Variants in GRIN2B observed in about 807,000 individuals in gnomAD.
GRIN2B encodes the protein glutamate receptor ionotropic, NMDA 2B.
GRIN2B carries 5 observed loss-of-function variants against 114.5 expected under a neutral mutation model. That is an observed-to-expected ratio of 0.04 (90% CI 0.02 to 0.09). GRIN2B has a LOEUF of 0.09. Ranked by LOEUF, GRIN2B falls within the 10% of genes least tolerant of loss-of-function variation. GRIN2B has a pLI of 1.00. For missense variants in GRIN2B, 1,108 were observed against 1,943.5 expected (o/e 0.57, Z 8.08); for synonymous variants, 787 against 745.1 (o/e 1.06, Z -0.92).
chr12:13,647,917 G>A (rs1434086446), intron 5 of GRIN2B, among the ~76,000 whole-genome samples: 3 of 152,108 alleles, frequency 2.0e-5, no homozygotes, highest in Non-Finnish European at 4.4e-5. Flanking sequence ...TGGATGAAAG[G>A]ACGCTGGCAG....
At chr12:13,918,079 G>C (rs1866762759) in intron 2 of GRIN2B, among the ~76,000 whole-genome samples, 1 of 152,090 alleles carries the variant, frequency 6.6e-6, no homozygotes, top group South Asian at 2.1e-4. Flanking sequence ...CCCTGGACTT[G>C]GCATCAGACA....
At chr12:13,979,053 C>T (rs2136880730) in intron 2 of GRIN2B, among the ~76,000 whole-genome samples, 1 of 152,250 alleles carries the variant, frequency 6.6e-6, no homozygotes, top group East Asian at 1.9e-4. Flanking sequence ...AATTCTGCAC[C>T]CCTTCCACAT....
chr12:13,771,699 G>C (rs1463288727), intron 3 of GRIN2B, among the ~76,000 whole-genome samples: 1 of 152,186 alleles, frequency 6.6e-6, no homozygotes, highest in East Asian at 1.9e-4. Context: ...TAACTTCCCT[G>C]GTTCATTAAG....
At chr12:13,573,604 C>G (rs1303782026) in intron 10 of GRIN2B, among the ~76,000 whole-genome samples, 4 of 125,452 alleles carry the variant, frequency 3.2e-5, no homozygotes, top group Non-Finnish European at 7.2e-5. Context: ...ATCATTGTAG[C>G]TGTGCTGTGC....
At chr12:13,933,562 T>C (rs1283857790) in intron 2 of GRIN2B, among the ~76,000 whole-genome samples, 1 of 152,162 alleles carries the variant, frequency 6.6e-6, no homozygotes, top group Non-Finnish European at 1.5e-5. Flanking sequence ...TGCAACCCAC[T>C]AGCCATTCCC....
intron 3 of GRIN2B, among the ~76,000 whole-genome samples, chr12:13,807,769 G>C (rs1416998890): frequency 7.2e-6 from 1 of 138,048 alleles, no homozygotes; most frequent in South Asian, 2.4e-4. Flanking sequence ...AGTAAAGGTA[G>C]CAAGGGGCTT....
intron 3 of GRIN2B, among the ~76,000 whole-genome samples, chr12:13,757,947 C>G (rs1320716259): frequency 6.6e-6 from 1 of 152,180 alleles, no homozygotes. Flanking sequence ...GGATCCACTT[C>G]ATAAATAAAG....
intron 10 of GRIN2B, among the ~76,000 whole-genome samples, chr12:13,591,140 C>T (rs1447246865): frequency 6.6e-6 from 1 of 152,060 alleles, no homozygotes; most frequent in Non-Finnish European, 1.5e-5. Context: ...CTTTTTTAGC[C>T]CTGACGTTTG....
rs5796570 is a variant in GRIN2B, at chr12:13,970,686, A to AACACACACACACAC, written c.-19+9228_-19+9241dup. Among the ~76,000 whole-genome samples the AACACACACACACAC allele has an allele frequency of 3.4e-3, 496 of 145,128 alleles. 5 individuals are homozygous for AACACACACACACAC. Among genetic ancestry groups the AACACACACACACAC allele is most frequent in the African/African-American group, 0.012 (468 of 38,550 alleles). ...ATTTCTCTTCTACATGCAGGCTCTA[A>AACACACACACACAC]ACACACACACACACACACACACACA... On this transcript the variant is annotated intron_variant, in intron 2 of 13. Coordinates refer to ENST00000609686, the MANE Select transcript of GRIN2B (RefSeq NM_000834.5).
intron 3 of GRIN2B, among the ~76,000 whole-genome samples, chr12:13,814,974 A>T (rs1300150158): frequency 6.6e-6 from 1 of 152,104 alleles, no homozygotes; most frequent in Non-Finnish European, 1.5e-5. Context: ...CCTGTATTTA[A>T]ACGTTGATCT....
intron 10 of GRIN2B, among the ~76,000 whole-genome samples, chr12:13,577,688 G>A (rs1948795366): frequency 6.6e-6 from 1 of 152,106 alleles, no homozygotes; most frequent in Admixed American, 6.5e-5. Context: ...TATGTACTGG[G>A]TATAAGTTAC....
chr12:13,747,074 A>C (rs1371713817), intron 4 of GRIN2B, among the ~76,000 whole-genome samples: 1 of 152,232 alleles, frequency 6.6e-6, no homozygotes, highest in African/African-American at 2.4e-5. Context: ...TGCAAAAAGG[A>C]GGAAGGCGAA....
intron 3 of GRIN2B, among the ~76,000 whole-genome samples, chr12:13,766,801 TTC>T (rs1174009317): frequency 6.6e-6 from 1 of 152,240 alleles, no homozygotes; most frequent in Non-Finnish European, 1.5e-5. Context: ...ATCTCTTCTC[TTC>T]TCTCAGTGTA....
intron 5 of GRIN2B, among the ~76,000 whole-genome samples, chr12:13,621,510 C>T (rs192784291): frequency 2.0e-5 from 3 of 150,180 alleles, no homozygotes; most frequent in African/African-American, 7.4e-5. Context: ...TTCACAACAT[C>T]TGTCTACAAA....
rs568842974 is a variant in GRIN2B at position 13,891,586 on chromosome 12, C to T, written c.-18-25360G>A. Among the ~76,000 whole-genome samples the T allele has an allele frequency of 1.5e-4, 22 of 151,692 alleles. No homozygotes were observed. The East Asian group carries it at 2.9e-3, about 20-fold the overall frequency. ...ATAAGTCTAAATTTAAATGTTCTCACCTACTGTACAAATGTGGCCACACAA... is the reference window on the plus strand; with the variant it reads ...ATAAGTCTAAATTTAAATGTTCTCATCTACTGTACAAATGTGGCCACACAA... On this transcript the variant is annotated intron_variant, in intron 2 of 13. Coordinates refer to ENST00000609686, the MANE Select transcript of GRIN2B (RefSeq NM_000834.5).
intron 2 of GRIN2B, among the ~76,000 whole-genome samples, chr12:13,873,807 G>A (rs187123311): frequency 2.6e-4 from 39 of 152,214 alleles, no homozygotes; most frequent in African/African-American, 9.4e-4. Context: ...TCCTGGAGTT[G>A]GGGAATTTAC....
At chr12:13,834,252 T>C (rs888729592) in intron 3 of GRIN2B, among the ~76,000 whole-genome samples, 1 of 148,138 alleles carries the variant, frequency 6.8e-6, no homozygotes, top group Non-Finnish European at 1.5e-5. Flanking sequence ...TTAGCCACAA[T>C]GGTCTGGATC....
chr12:13,965,557 C>CCATA (rs1555162708), intron 2 of GRIN2B, among the ~76,000 whole-genome samples: 1 of 150,176 alleles, frequency 6.7e-6, no homozygotes, highest in Non-Finnish European at 1.5e-5. Flanking sequence ...AGATTACACA[C>CCATA]CACACACACA....
intron 5 of GRIN2B, among the ~76,000 whole-genome samples, chr12:13,644,323 T>A (rs570303797): frequency 2.0e-4 from 30 of 152,290 alleles, no homozygotes; most frequent in Non-Finnish European, 1.0e-4. Flanking sequence ...GCAGTGATAT[T>A]TTGAAAGGAA....
Sources: allele counts gnomAD v4.1 joint callset (sites outside exome capture counted in the v4.1 genomes callset), GRCh38; gene constraint gnomAD v4.1.1; transcripts MANE v1.5; gene names NCBI Gene and HGNC (gene_info 2026-07-23, HGNC 2026-07-21).